EIF4G3: variants seen among roughly 807,000 people sequenced by gnomAD.
EIF4G3 encodes the protein eIF-4-gamma 3.
EIF4G3 carries 34 observed loss-of-function variants against 186.4 expected under a neutral mutation model. That is an observed-to-expected ratio of 0.18 (90% CI 0.14 to 0.24). The LOEUF (loss-of-function observed/expected upper bound fraction) is 0.24, where lower values mean the gene tolerates loss of function less well. Ranked by LOEUF, EIF4G3 falls within the 10% of genes least tolerant of loss-of-function variation. EIF4G3 has a pLI of 1.00. For synonymous variants in EIF4G3, 673 were observed against 679.5 expected (o/e 0.99, Z 0.15); for missense variants, 1,536 against 1,948.5 (o/e 0.79, Z 3.99).
intron 3 of EIF4G3, chr1:21,064,403 C>T (rs2095119169): frequency 6.6e-6 from 1 of 152,104 alleles, no homozygotes; most frequent in South Asian, 2.1e-4. Context: ...TAAATATTTT[C>T]TCTGTTACTA....
At chr1:21,022,013 G>A (rs536945450) in intron 4 of EIF4G3, among the ~76,000 whole-genome samples, 1 of 152,190 alleles carries the variant, frequency 6.6e-6, no homozygotes, top group South Asian at 2.1e-4. Flanking sequence ...AACAACATTT[G>A]CTATAGCCTC....
intron 2 of EIF4G3, among the ~76,000 whole-genome samples, chr1:21,138,149 T>C (rs746506045): frequency 6.6e-6 from 1 of 152,190 alleles, no homozygotes; most frequent in African/African-American, 2.4e-5. Flanking sequence ...CGTAAGCTCT[T>C]TGCATAAGAA....
chr1:20,858,118 C>T (rs1257618680), intron 24 of EIF4G3, among the ~76,000 whole-genome samples: 1 of 152,186 alleles, frequency 6.6e-6, no homozygotes, highest in Non-Finnish European at 1.5e-5. Flanking sequence ...CCTGCTTCTA[C>T]CTTCAGCTGT....
downstream of EIF4G3, chr1:20,806,441 A>G (rs1203365097): frequency 1.3e-5 from 2 of 152,684 alleles, no homozygotes; most frequent in Non-Finnish European, 2.9e-5. Flanking sequence ...ATGGGCACAC[A>G]TGCAGCAGCT....
At position 20,979,462 on chromosome 1, in the gene EIF4G3, T is replaced by C. The variant is rs373901436; in HGVS notation, c.493+872A>G. The stretch of plus-strand genomic sequence containing the variant: ...TAGCAGTGAACAAAACAAAAATCTC[T>C]ACTTTCATGGAAATTGCATTCTACT... On this transcript the variant is annotated intron_variant, in intron 10 of 36. Coordinates refer to ENST00000602326, the MANE Select transcript of EIF4G3 (RefSeq NM_001391906.1). 4.5e-4 allele frequency among the ~76,000 whole-genome samples: 68 copies of C among 152,346 alleles called. No homozygotes were observed. In the South Asian group the frequency reaches 0.014, roughly 31 times the overall value.
chr1:21,151,447 C>T (rs9729251), intron 2 of EIF4G3, among the ~76,000 whole-genome samples: 50,488 of 151,328 alleles, frequency 0.33, 9,147 homozygotes, highest in Non-Finnish European at 0.41. Context: ...ACCGTGTTAG[C>T]CAGGATGGTC....
At chr1:20,839,018 G>A (rs550236877) in intron 30 of EIF4G3, among the ~76,000 whole-genome samples, 5 of 152,050 alleles carry the variant, frequency 3.3e-5, no homozygotes, top group East Asian at 1.9e-4. Context: ...TTGCTCTGTC[G>A]CCCAGAATGG....
chr1:21,034,591 C>CA (rs1340970032), intron 4 of EIF4G3, among the ~76,000 whole-genome samples: 1 of 152,198 alleles, frequency 6.6e-6, no homozygotes, highest in Non-Finnish European at 1.5e-5. Flanking sequence ...ACCAATTTCA[C>CA]ATAATACTCT....
intron 2 of EIF4G3, among the ~76,000 whole-genome samples, chr1:21,106,205 C>T (rs1255349483): frequency 1.3e-5 from 2 of 151,510 alleles, no homozygotes; most frequent in African/African-American, 4.9e-5. Flanking sequence ...TAACAGGCGA[C>T]AATGGGAGAA....
chr1:20,873,591 C>T (rs1441386309), intron 20 of EIF4G3, among the ~76,000 whole-genome samples: 1 of 137,980 alleles, frequency 7.2e-6, no homozygotes, highest in Non-Finnish European at 1.6e-5. Flanking sequence ...TTATATTCGT[C>T]TTTAAAAACA....
At chr1:21,113,733 G>T (rs1214820467) in intron 2 of EIF4G3, among the ~76,000 whole-genome samples, 2 of 151,992 alleles carry the variant, frequency 1.3e-5, no homozygotes, top group African/African-American at 4.8e-5. Flanking sequence ...ATCTTATCTG[G>T]GCCAGGCAAA....
chr1:21,126,945 A>G (rs550499870), intron 2 of EIF4G3, among the ~76,000 whole-genome samples: 94 of 152,210 alleles, frequency 6.2e-4, no homozygotes, highest in South Asian at 5.2e-3. Flanking sequence ...AAGAGTTATT[A>G]TACTGTATTT....
chr1:20,993,887 C>T (rs1248449617), intron 7 of EIF4G3, among the ~76,000 whole-genome samples: 1 of 152,164 alleles, frequency 6.6e-6, no homozygotes, highest in Non-Finnish European at 1.5e-5. Flanking sequence ...GCTTTCATTT[C>T]ATTATGCAAG....
intron 2 of EIF4G3, among the ~76,000 whole-genome samples, chr1:21,137,056 T>C (rs1315114304): frequency 1.4e-3 from 1 of 716 alleles, no homozygotes; most frequent in African/African-American, 1.7e-3. Context: ...TTCCTGTTTT[T>C]CCCTTTTTAC....
intron 2 of EIF4G3, among the ~76,000 whole-genome samples, chr1:21,156,780 C>A (rs568148580): frequency 6.6e-6 from 1 of 152,152 alleles, no homozygotes; most frequent in South Asian, 2.1e-4. Context: ...CTTGGAAAAC[C>A]TTGGAAAAAT....
chr1:20,835,991 A>G (rs998879398), intron 30 of EIF4G3, among the ~76,000 whole-genome samples: 1 of 152,024 alleles, frequency 6.6e-6, no homozygotes, highest in African/African-American at 2.4e-5. Flanking sequence ...GAATTCTACC[A>G]AACACTTGAA....
chr1:21,054,233 G>A (rs1397698736), intron 3 of EIF4G3, among the ~76,000 whole-genome samples: 1 of 151,456 alleles, frequency 6.6e-6, no homozygotes, highest in Non-Finnish European at 1.5e-5. Context: ...ATTAAGGGTG[G>A]TGCAAGATGT....
chr1:21,136,995 T>G (rs922672497), intron 2 of EIF4G3, among the ~76,000 whole-genome samples: 1 of 152,112 alleles, frequency 6.6e-6, no homozygotes, highest in Non-Finnish European at 1.5e-5. Flanking sequence ...TTTTATATGA[T>G]GTCTTAATAA....
intron 29 of EIF4G3, among the ~76,000 whole-genome samples, chr1:20,849,169 T>G (rs2072385550): frequency 6.6e-6 from 1 of 151,990 alleles, no homozygotes; most frequent in Non-Finnish European, 1.5e-5. Flanking sequence ...TGGTTTTCCC[T>G]TAGTGGGGAT....
Sources: gnomAD v4.1 joint callset for allele counts (sites outside exome capture counted in the v4.1 genomes callset) on GRCh38, gnomAD v4.1.1 for gene constraint, MANE v1.5 for transcripts, NCBI Gene and HGNC (gene_info 2026-07-23, HGNC 2026-07-21) for gene names.